Variants in ZNF236 observed in about 807,000 individuals in gnomAD.
The protein encoded by ZNF236 is zinc finger protein 236, also known as regulated by glucose.
In ZNF236, 50 loss-of-function variants were observed where a neutral mutation model predicts 191.2. The observed-to-expected ratio is 0.26, with a 90% CI of 0.21 to 0.33. The LOEUF (loss-of-function observed/expected upper bound fraction) is 0.33, where lower values mean the gene tolerates loss of function less well. Ranked by LOEUF, ZNF236 falls within the 10% of genes least tolerant of loss-of-function variation. ZNF236 has a pLI of 1.00. For missense variants in ZNF236, 1,754 were observed against 2,374.5 expected, an observed-to-expected ratio of 0.74 and a Z score of 5.43; for synonymous variants, 907 against 928.8, an observed-to-expected ratio of 0.98 and a Z score of 0.43.
In ZNF236 at chr18:76,913,885, G is replaced by A. The variant is rs547761339; in HGVS notation, c.3048G>A (p.Glu1016=). The change falls in exon 18 of 31, where the codon GAG becomes GAA. Residue 1016 remains glutamate, a synonymous_variant. Transcript: ENST00000320610. ...FVSSGVLKSH[E]KTHTGVKAFS... Reference sequence around the variant, plus strand: ...CCTCTGGGGTCCTCAAGTCCCACGAGAAGACACACACAGGTCACTGTCTGC... The same window carrying A: ...CCTCTGGGGTCCTCAAGTCCCACGAAAAGACACACACAGGTCACTGTCTGC... 4 of 1,614,212 alleles carry A rather than the reference G, an allele frequency of 2.5e-6. No individual in the cohort carries two copies. The highest frequency in any genetic ancestry group is 1.7e-5 in the Admixed American group (1 of 60,024).
At chr18:76,933,573 A>C (rs932865517) in intron 25 of ZNF236, among the ~76,000 whole-genome samples, 1 of 152,186 alleles carries the variant, frequency 6.6e-6, no homozygotes, top group Non-Finnish European at 1.5e-5. Flanking sequence ...TTAAAAAAAA[A>C]AAAGCTTTTC....
intron 14 of ZNF236, among the ~76,000 whole-genome samples, chr18:76,909,144 A>G (rs2122759966): frequency 6.6e-6 from 1 of 152,124 alleles, no homozygotes; most frequent in Non-Finnish European, 1.5e-5. Context: ...GTGAAACCGT[A>G]TCTCTACTAA....
At chr18:76,935,539 G>A (rs1486537759) in intron 25 of ZNF236, among the ~76,000 whole-genome samples, 1 of 152,210 alleles carries the variant, frequency 6.6e-6, no homozygotes, top group Non-Finnish European at 1.5e-5. Context: ...TATTTCAGCA[G>A]TTGGGGTGAG....
At chr18:76,845,481 C>G (rs1026258092) in intron 1 of ZNF236, among the ~76,000 whole-genome samples, 2 of 152,070 alleles carry the variant, frequency 1.3e-5, no homozygotes, top group Admixed American at 6.6e-5. Context: ...GCAGAGAATA[C>G]CTATTCTGAC....
At chr18:76,877,003 T>G (rs1976735702) in intron 6 of ZNF236, among the ~76,000 whole-genome samples, 1 of 152,134 alleles carries the variant, frequency 6.6e-6, no homozygotes, top group South Asian at 2.1e-4. Flanking sequence ...GAATCTAAAT[T>G]TGGTTCTTAG....
intron 9 of ZNF236, among the ~76,000 whole-genome samples, chr18:76,883,213 G>T (rs906273035): frequency 4.6e-5 from 7 of 152,172 alleles, no homozygotes; most frequent in Non-Finnish European, 8.8e-5. Flanking sequence ...CTAGTTTGGG[G>T]TGCTGTGTTT....
chr18:76,906,850 A>C (rs115402941), intron 13 of ZNF236, among the ~76,000 whole-genome samples: 3 of 152,212 alleles, frequency 2.0e-5, no homozygotes, highest in African/African-American at 7.2e-5. Context: ...ATCTGCCTAC[A>C]AGGAGAGCAT....
At chr18:76,938,885 C>G (rs560566605) in intron 26 of ZNF236, among the ~76,000 whole-genome samples, 1 of 152,246 alleles carries the variant, frequency 6.6e-6, no homozygotes, top group Non-Finnish European at 1.5e-5. Flanking sequence ...GCATCTCACT[C>G]AGAGGCATTC....
chr18:76,900,977 C>A (rs1360259242), intron 11 of ZNF236, among the ~76,000 whole-genome samples: 1 of 152,154 alleles, frequency 6.6e-6, no homozygotes, highest in Non-Finnish European at 1.5e-5. Flanking sequence ...CTCACATGCA[C>A]AGTGCACAAT....
At chr18:76,823,406 T>C (rs1338353941) in intron 1 of ZNF236, among the ~76,000 whole-genome samples, 3 of 151,188 alleles carry the variant, frequency 2.0e-5, no homozygotes, top group African/African-American at 4.9e-5. Flanking sequence ...ACCCTGGGCA[T>C]CTGGAGAGCG....
chr18:76,873,029 A>G (rs531330854), intron 5 of ZNF236, among the ~76,000 whole-genome samples: 1 of 152,306 alleles, frequency 6.6e-6, no homozygotes, highest in African/African-American at 2.4e-5. Flanking sequence ...TTAGAGCATC[A>G]GTTTTTATTT....
chr18:76,897,564 G>T (rs965204004), intron 10 of ZNF236, among the ~76,000 whole-genome samples: 4 of 151,010 alleles, frequency 2.6e-5, no homozygotes, highest in African/African-American at 7.3e-5. Flanking sequence ...CTGCCCACAG[G>T]TACTGCACAC....
rs960270739 is a variant in ZNF236 at position 76,905,023 on chromosome 18, A to C, written c.2037-132A>C. On this transcript the variant is annotated intron_variant, in intron 12 of 30. Coordinates refer to ENST00000320610, the MANE Select transcript of ZNF236 (RefSeq NM_001306089.2). ...GCTTCCTCCCTTGTGAAATGTGGAG[A>C]GCTCCGGCATTGCTGCTTAGCTTTA... The C allele has an allele frequency of 3.1e-5, 30 of 970,372 alleles. No homozygotes were observed. In the African/African-American group the frequency reaches 4.1e-4, roughly 13 times the overall value. The allele number at this position is 970,372 out of a possible 1,614,324, so 60.1% of individuals were successfully genotyped here.
chr18:76,848,077 A>G (rs1975749077), intron 1 of ZNF236, among the ~76,000 whole-genome samples: 1 of 152,116 alleles, frequency 6.6e-6, no homozygotes, highest in Admixed American at 6.6e-5. Context: ...TGTGGGCTTC[A>G]CCTACCTCCT....
At chr18:76,914,642 C>T (rs1344722293) in intron 18 of ZNF236, among the ~76,000 whole-genome samples, 3 of 152,120 alleles carry the variant, frequency 2.0e-5, no homozygotes, top group South Asian at 2.1e-4. Context: ...TGCATTTCTT[C>T]GATGGCTAAT....
intron 21 of ZNF236, 140 bp downstream of exon 21, chr18:76,923,314 A>G: frequency 1.8e-6 from 1 of 568,368 alleles, no homozygotes; most frequent in South Asian, 2.7e-5. Context: ...GAAGTGATAT[A>G]AAAGATTTTT....
chr18:76,925,143 C>A lies in ZNF236; in HGVS notation c.3662-46C>A. The A allele has an allele frequency of 6.3e-7, 1 of 1,583,456 alleles. No homozygotes were observed. The highest frequency in any genetic ancestry group is 1.2e-5 in the South Asian group (1 of 86,668). On this transcript the variant is annotated intron_variant, in intron 21 of 30. Transcript: ENST00000320610. The surrounding 1 kb of genome is among the most constrained non-coding windows in gnomAD (Gnocchi z 5.7). ...AGCTGAGTGGGGTGGGGGTGAGTGT[C>A]GCGACTGCCATCGCCTCTGTTGATT...
intron 1 of ZNF236, among the ~76,000 whole-genome samples, chr18:76,829,711 AC>A (rs1330908611): frequency 1.3e-5 from 2 of 152,218 alleles, no homozygotes; most frequent in Non-Finnish European, 2.9e-5. Context: ...TATTTTAATC[AC>A]AAAAAACATC....
At chr18:76,929,620 A>G (rs546731924) in intron 25 of ZNF236, among the ~76,000 whole-genome samples, 25 of 152,312 alleles carry the variant, frequency 1.6e-4, no homozygotes, top group Non-Finnish European at 2.6e-4. Flanking sequence ...TATAACTAAT[A>G]TTTTAAGAAT....
Sources: gnomAD v4.1 joint callset for allele counts (sites outside exome capture counted in the v4.1 genomes callset) on GRCh38, gnomAD v4.1.1 for gene constraint, Gnocchi (gnomAD v3.1) non-coding constraint, MANE v1.5 for transcripts, NCBI Gene and HGNC (gene_info 2026-07-23, HGNC 2026-07-21) for gene names.